The following GPR158 variants were observed in gnomAD, a reference collection of about 807,000 sequenced individuals.
The protein encoded by GPR158 is metabotropic glycine receptor.
Under a neutral mutation model 78.2 loss-of-function variants are expected in GPR158, and 30 were observed. The observed-to-expected ratio is 0.38, with a 90% CI of 0.29 to 0.52. GPR158 has a LOEUF of 0.52. Ranked by LOEUF, GPR158 falls within the 20% of genes least tolerant of loss-of-function variation. GPR158 has a pLI of 0.83. For missense variants in GPR158, 1,463 were observed against 1,523.5 expected (o/e 0.96, Z 0.66); for synonymous variants, 581 against 591.1 (o/e 0.98, Z 0.25).
chr10:25,286,689 C>T (rs520827), intron 2 of GPR158, among the ~76,000 whole-genome samples: 2 of 151,452 alleles, frequency 1.3e-5, no homozygotes, highest in South Asian at 4.2e-4. Flanking sequence ...AAGTAGATAG[C>T]TTTTTTTTGT....
chr10:25,351,431 T>TGG (rs146748198), intron 2 of GPR158, among the ~76,000 whole-genome samples: 7 of 115,558 alleles, frequency 6.1e-5, no homozygotes, highest in Non-Finnish European at 8.6e-5. Context: ...GAGTTGGGGG[T>TGG]GGGGGGGTGC....
intron 2 of GPR158, among the ~76,000 whole-genome samples, chr10:25,293,806 C>T (rs1417636233): frequency 6.6e-6 from 1 of 150,930 alleles, no homozygotes; most frequent in African/African-American, 2.4e-5. Flanking sequence ...AGTGCAGTGG[C>T]ACGATCTTGG....
chr10:25,294,788 ACT>A (rs1441860248), intron 2 of GPR158, among the ~76,000 whole-genome samples: 3 of 119,084 alleles, frequency 2.5e-5, no homozygotes, highest in Non-Finnish European at 5.7e-5. Flanking sequence ...AGGCATTGAT[ACT>A]CTGTTTGCCT....
chr10:25,297,310 C>T (rs1350268193), intron 2 of GPR158, among the ~76,000 whole-genome samples: 1 of 152,124 alleles, frequency 6.6e-6, no homozygotes. Context: ...AACTTGTAGC[C>T]TGAAGCATTG....
intron 2 of GPR158, among the ~76,000 whole-genome samples, chr10:25,297,650 G>T (rs1854535450): frequency 6.6e-6 from 1 of 152,154 alleles, no homozygotes; most frequent in Non-Finnish European, 1.5e-5. Context: ...AAGTTCAGAT[G>T]GAGATTAAAG....
intron 2 of GPR158, among the ~76,000 whole-genome samples, chr10:25,375,648 G>A (rs999903017): frequency 6.6e-6 from 1 of 151,448 alleles, no homozygotes; most frequent in Non-Finnish European, 1.5e-5. Context: ...TGTTGAAAAA[G>A]TGATCCTTTT....
intron 2 of GPR158, among the ~76,000 whole-genome samples, chr10:25,230,676 C>T (rs1419943770): frequency 6.6e-6 from 1 of 152,178 alleles, no homozygotes; most frequent in Non-Finnish European, 1.5e-5. Context: ...CTGTGACTTA[C>T]TGGTAAAACA....
At chr10:25,512,812 C>A (rs909753707) in intron 5 of GPR158, among the ~76,000 whole-genome samples, 4 of 151,906 alleles carry the variant, frequency 2.6e-5, no homozygotes, top group African/African-American at 7.3e-5. Flanking sequence ...CTTTTAATAA[C>A]GTTTATGTGC....
Position 25,324,906 on chromosome 10 carries a change from A to G in GPR158, c.1009-71005A>G, listed in dbSNP as rs1855008346. The stretch of plus-strand genomic sequence containing the variant: ...CAGGCTGGAGTGTAGTGGCATGATC[A>G]TAGCTCACTCCAGCCTTGTACTCCT... On this transcript the variant is annotated intron_variant, in intron 2 of 10. Coordinates refer to ENST00000376351, the MANE Select transcript of GPR158 (RefSeq NM_020752.3). 4.1e-5 allele frequency among the ~76,000 whole-genome samples: 6 copies of G among 145,626 alleles called. No homozygotes were observed. The Admixed American group carries it at 4.3e-4, about 10-fold the overall frequency.
At chr10:25,580,088 T>C (rs770181613) in intron 7 of GPR158, among the ~76,000 whole-genome samples, 88 of 152,196 alleles carry the variant, frequency 5.8e-4, no homozygotes, top group Admixed American at 3.1e-3. Context: ...ACATCACTTG[T>C]TATATATTTT....
chr10:25,431,130 A>G lies in GPR158; in HGVS notation c.1335+18657A>G, dbSNP rs1445933636. ...CCTACTCATCTGACAAAGGGCTAATATCCAGAATCTACAATGAACTCAAAC... is the reference window on the plus strand; with the variant it reads ...CCTACTCATCTGACAAAGGGCTAATGTCCAGAATCTACAATGAACTCAAAC... On this transcript the variant is annotated intron_variant, in intron 4 of 10. Coordinates refer to ENST00000376351, the MANE Select transcript of GPR158 (RefSeq NM_020752.3). Among the ~76,000 whole-genome samples, 48 of 118,460 alleles carry G rather than the reference A, an allele frequency of 4.1e-4. 2 individuals are homozygous for G. The highest frequency in any genetic ancestry group is 2.5e-4 in the Non-Finnish European group (13 of 52,362). The allele number at this position is 118,460 out of a possible 152,430, so 77.7% of individuals were successfully genotyped here. A position where few individuals can be genotyped will look rare whatever the true frequency, so the allele number is the denominator to read the frequency against.
intron 2 of GPR158, among the ~76,000 whole-genome samples, chr10:25,291,930 C>G (rs1430569923): frequency 2.6e-5 from 4 of 152,034 alleles, no homozygotes; most frequent in Non-Finnish European, 4.4e-5. Context: ...GTTTGTGCAG[C>G]TTTAGGAAAT....
At chr10:25,305,416 T>C (rs1225211721) in intron 2 of GPR158, among the ~76,000 whole-genome samples, 2 of 152,144 alleles carry the variant, frequency 1.3e-5, no homozygotes, top group Admixed American at 1.3e-4. Flanking sequence ...AAACTCAAAG[T>C]GTGGATGGGG....
chr10:25,456,749 T>C (rs1225923413), intron 4 of GPR158, among the ~76,000 whole-genome samples: 3 of 151,976 alleles, frequency 2.0e-5, no homozygotes, highest in Non-Finnish European at 4.4e-5. Flanking sequence ...CTTCTCTAAA[T>C]ATAAAGTACA....
At chr10:25,588,865 A>C (rs1042775309) in intron 7 of GPR158, 142 bp from the exon 8 acceptor site, 3 of 456,498 alleles carry the variant, frequency 6.6e-6, no homozygotes, top group African/African-American at 5.8e-5. Context: ...AATATATGGC[A>C]TTTGTATTTG....
intron 7 of GPR158, among the ~76,000 whole-genome samples, chr10:25,574,079 G>C (rs11014617): frequency 7.0e-6 from 1 of 142,176 alleles, no homozygotes; most frequent in Non-Finnish European, 1.5e-5. Flanking sequence ...AGGTTAACCA[G>C]ATAGGAAAAA....
intron 2 of GPR158, among the ~76,000 whole-genome samples, chr10:25,386,707 A>G (rs1162316560): frequency 1.3e-5 from 2 of 151,778 alleles, no homozygotes; most frequent in East Asian, 3.9e-4. Flanking sequence ...TGATATTTTC[A>G]TTTTATTCTT....
intron 5 of GPR158, among the ~76,000 whole-genome samples, chr10:25,530,234 AAC>A (rs1422393667): frequency 2.6e-5 from 4 of 152,150 alleles, no homozygotes; most frequent in African/African-American, 4.8e-5. Context: ...TAAAAAAACA[AAC>A]ACAGAACTCC....
chr10:25,363,097 GTGAT>G (rs112729118), intron 2 of GPR158, among the ~76,000 whole-genome samples: 3,194 of 151,810 alleles, frequency 0.021, 113 homozygotes, highest in African/African-American at 0.073. Context: ...GAATCAATCT[GTGAT>G]TGATTATTTA....
Sources: allele counts gnomAD v4.1 joint callset (sites outside exome capture counted in the v4.1 genomes callset), GRCh38; gene constraint gnomAD v4.1.1; transcripts MANE v1.5; gene names NCBI Gene and HGNC (gene_info 2026-07-23, HGNC 2026-07-21).